The following PTPRG variants were observed in gnomAD, a reference collection of about 807,000 sequenced individuals.
The protein encoded by PTPRG is receptor-type tyrosine-protein phosphatase gamma.
A neutral mutation model predicts 165.3 loss-of-function variants in PTPRG; 102 were observed. The observed-to-expected ratio is 0.62, with a 90% confidence interval of 0.53 to 0.73. The LOEUF (loss-of-function observed/expected upper bound fraction) is 0.73. PTPRG is among the 30% of genes least tolerant of loss of function. The pLI, the probability that PTPRG is intolerant of heterozygous loss-of-function variation, is 0.00. For missense variants in PTPRG, 1,866 were observed against 1,861.4 expected, an observed-to-expected ratio of 1.00 and a Z score of -0.05; for synonymous variants, 675 against 669.5, an observed-to-expected ratio of 1.01 and a Z score of -0.13.
At chr3:61,582,812 G>T (rs551017414) in intron 1 of PTPRG, among the ~76,000 whole-genome samples, 59 of 152,336 alleles carry the variant, frequency 3.9e-4, no homozygotes, top group African/African-American at 1.3e-3. Context: ...GAAACGCCAT[G>T]TGTTAGCACT....
At chr3:61,912,119 A>G (rs1333121047) in intron 2 of PTPRG, among the ~76,000 whole-genome samples, 2 of 152,050 alleles carry the variant, frequency 1.3e-5, no homozygotes, top group Non-Finnish European at 2.9e-5. Flanking sequence ...TTTATGAAGT[A>G]TTTTTGTAGC....
intron 4 of PTPRG, among the ~76,000 whole-genome samples, chr3:62,009,998 G>T (rs2041381175): frequency 6.6e-6 from 1 of 152,182 alleles, no homozygotes; most frequent in Non-Finnish European, 1.5e-5. Flanking sequence ...GCTCACTGCA[G>T]CCTCAACTTC....
At chr3:62,081,775 C>T (rs933541150) in intron 5 of PTPRG, among the ~76,000 whole-genome samples, 27 of 152,180 alleles carry the variant, frequency 1.8e-4, no homozygotes, top group African/African-American at 6.5e-4. Context: ...TTTTTTTGCT[C>T]TCTATAAGAA....
At chr3:62,091,608 A>G (rs1413207248) in intron 5 of PTPRG, among the ~76,000 whole-genome samples, 1 of 152,098 alleles carries the variant, frequency 6.6e-6, no homozygotes, top group Non-Finnish European at 1.5e-5. Flanking sequence ...TAAAACGGGG[A>G]TCCTTTATGT....
At chr3:61,848,240 ACT>A (rs1170886117) in intron 2 of PTPRG, among the ~76,000 whole-genome samples, 1 of 151,940 alleles carries the variant, frequency 6.6e-6, no homozygotes, top group African/African-American at 2.4e-5. Context: ...CCATGTTTGC[ACT>A]CTCTCTCGCC....
At chr3:61,912,868 A>AT (rs888271428) in intron 2 of PTPRG, among the ~76,000 whole-genome samples, 68 of 150,614 alleles carry the variant, frequency 4.5e-4, no homozygotes, top group African/African-American at 1.2e-3. Flanking sequence ...TTTAGGTTTT[A>AT]TTTTTTTTTC....
At chr3:61,919,108 T>G (rs769347791) in intron 2 of PTPRG, among the ~76,000 whole-genome samples, 1 of 152,174 alleles carries the variant, frequency 6.6e-6, no homozygotes, top group Non-Finnish European at 1.5e-5. Flanking sequence ...TTCCTGTGAT[T>G]CCTGCATTCC....
intron 2 of PTPRG, among the ~76,000 whole-genome samples, chr3:61,941,784 T>C (rs2039636214): frequency 6.6e-6 from 1 of 152,216 alleles, no homozygotes; most frequent in Non-Finnish European, 1.5e-5. Flanking sequence ...ACTCACACTC[T>C]ATTGGCTTAT....
chr3:61,899,302 A>G (rs2038439601), intron 2 of PTPRG, among the ~76,000 whole-genome samples: 1 of 152,190 alleles, frequency 6.6e-6, no homozygotes, highest in South Asian at 2.1e-4. Context: ...TAATTCTGAC[A>G]GGGAAGAAGA....
chr3:61,609,451 A>G (rs935143068), intron 1 of PTPRG, among the ~76,000 whole-genome samples: 1 of 152,224 alleles, frequency 6.6e-6, no homozygotes. Context: ...TGTATGTGGT[A>G]TCATCCACAG....
intron 14 of PTPRG, among the ~76,000 whole-genome samples, chr3:62,239,166 A>G (rs2106940796): frequency 6.6e-6 from 1 of 152,234 alleles, no homozygotes; most frequent in Admixed American, 6.5e-5. Context: ...ACAAATGTTC[A>G]CTGAAGAGAA....
At chr3:61,930,697 T>G (rs1283459866) in intron 2 of PTPRG, among the ~76,000 whole-genome samples, 1 of 152,196 alleles carries the variant, frequency 6.6e-6, no homozygotes, top group Non-Finnish European at 1.5e-5. Context: ...GTTCCAAAAT[T>G]ACAATTATAG....
chr3:61,851,128 A>G (rs1486478078), intron 2 of PTPRG, among the ~76,000 whole-genome samples: 1 of 152,202 alleles, frequency 6.6e-6, no homozygotes, highest in African/African-American at 2.4e-5. Context: ...ATAGTAACCT[A>G]TGCTGTCAGT....
intron 12 of PTPRG, among the ~76,000 whole-genome samples, chr3:62,207,433 A>G (rs756408676): frequency 3.6e-4 from 55 of 152,236 alleles, no homozygotes; most frequent in Non-Finnish European, 6.9e-4. Context: ...CTTCACTTCC[A>G]TTCACCCTGT....
intron 1 of PTPRG, among the ~76,000 whole-genome samples, chr3:61,587,653 A>G (rs1700465201): frequency 6.6e-6 from 1 of 151,820 alleles, no homozygotes; most frequent in South Asian, 2.1e-4. Context: ...ATTTTATCTT[A>G]TTTTATTTTA....
At chr3:61,779,337 T>C (rs2034478298) in intron 2 of PTPRG, among the ~76,000 whole-genome samples, 1 of 151,882 alleles carries the variant, frequency 6.6e-6, no homozygotes, top group Non-Finnish European at 1.5e-5. Flanking sequence ...CCAAGTCTAA[T>C]TTTAAGAGTA....
At chr3:61,568,760 T>C (rs1699987252) in intron 1 of PTPRG, among the ~76,000 whole-genome samples, 1 of 151,940 alleles carries the variant, frequency 6.6e-6, no homozygotes, top group Non-Finnish European at 1.5e-5. Flanking sequence ...ATACAAAAAT[T>C]AGCTGGGCAT....
chr3:62,227,253 C>T (rs1434974490), intron 13 of PTPRG, among the ~76,000 whole-genome samples: 3 of 152,298 alleles, frequency 2.0e-5, no homozygotes, highest in Admixed American at 6.5e-5. Context: ...TCTGCTCTAG[C>T]GGCCGACACT....
At chr3:62,053,549 G>A (rs902870263) in intron 4 of PTPRG, among the ~76,000 whole-genome samples, 1 of 152,128 alleles carries the variant, frequency 6.6e-6, no homozygotes, top group Non-Finnish European at 1.5e-5. Context: ...TTACAGGCAT[G>A]AGCCATCATG....
Sources: allele counts gnomAD v4.1 joint callset (sites outside exome capture counted in the v4.1 genomes callset), GRCh38; gene constraint gnomAD v4.1.1; transcripts MANE v1.5; gene names NCBI Gene and HGNC (gene_info 2026-07-23, HGNC 2026-07-21).